The following ZNF366 variants were observed in gnomAD, a reference collection of about 807,000 sequenced individuals.
The protein encoded by ZNF366 is zinc finger protein 366, also known as dendritic cell-specific transcript protein.
ZNF366 carries 20 observed loss-of-function variants against 47.2 expected under a neutral mutation model. The ratio of observed to expected loss-of-function variants is 0.42; its 90% CI spans 0.30 to 0.62. ZNF366 has a LOEUF of 0.62. Ranked by LOEUF, ZNF366 falls within the 20% of genes least tolerant of loss-of-function variation. ZNF366 has a pLI of 0.16. For synonymous variants in ZNF366, 421 were observed against 395.1 expected (o/e 1.07, Z -0.78); for missense variants, 987 against 976.3 (o/e 1.01, Z -0.15).
At chr5:72,459,043 C>T (rs1026926782) in intron 2 of ZNF366, among the ~76,000 whole-genome samples, 5 of 152,266 alleles carry the variant, frequency 3.3e-5, no homozygotes, top group South Asian at 2.1e-4. Flanking sequence ...ACTTGGCAGG[C>T]GACTCCCCTC....
intron 1 of ZNF366, among the ~76,000 whole-genome samples, chr5:72,468,527 T>C (rs1743481589): frequency 6.6e-6 from 1 of 152,150 alleles, no homozygotes; most frequent in Non-Finnish European, 1.5e-5. Flanking sequence ...TAAAGTCAAG[T>C]TTAGTTGTGT....
intron 1 of ZNF366, among the ~76,000 whole-genome samples, chr5:72,474,871 T>C (rs909735257): frequency 2.6e-5 from 4 of 152,234 alleles, no homozygotes; most frequent in African/African-American, 9.6e-5. Flanking sequence ...GTCTGCCTTA[T>C]TGAATAATAA....
chr5:72,468,004 TCTC>T (rs566877096), intron 1 of ZNF366, among the ~76,000 whole-genome samples: 21 of 152,086 alleles, frequency 1.4e-4, no homozygotes, highest in Non-Finnish European at 2.9e-4. Context: ...ATACAAAAGA[TCTC>T]CTAGTGAGGG....
intron 1 of ZNF366, among the ~76,000 whole-genome samples, chr5:72,486,871 G>C (rs999685329): frequency 6.6e-6 from 1 of 151,890 alleles, no homozygotes; most frequent in Non-Finnish European, 1.5e-5. Context: ...TCTGCATCCC[G>C]GGTTCAAGCG....
At chr5:72,500,846 T>C (rs1394503345) in intron 1 of ZNF366, among the ~76,000 whole-genome samples, 1 of 152,236 alleles carries the variant, frequency 6.6e-6, no homozygotes, top group Non-Finnish European at 1.5e-5. Context: ...TTATTCTGCA[T>C]TTCTAACAAG....
chr5:72,504,914 C>A (rs1040680017), intron 1 of ZNF366, among the ~76,000 whole-genome samples: 5 of 152,156 alleles, frequency 3.3e-5, no homozygotes, highest in African/African-American at 1.2e-4. Flanking sequence ...TAAGTACCTG[C>A]CCCGAGGCCC....
intron 1 of ZNF366, among the ~76,000 whole-genome samples, chr5:72,485,793 T>A (rs1561202006): frequency 6.6e-6 from 1 of 152,172 alleles, no homozygotes; most frequent in Non-Finnish European, 1.5e-5. Flanking sequence ...ACTCCTATGA[T>A]CTCATGCCCT....
chr5:72,507,123 C>T lies in ZNF366; in HGVS notation c.-15+128G>A. On this transcript the variant is annotated intron_variant, in intron 1 of 4. Coordinates refer to ENST00000318442, the MANE Select transcript of ZNF366 (RefSeq NM_152625.3). ...AAAAAGTATTAGCTGAAATTCTGGG[C>T]CATCTATCACTTATACCCTTTGGTT... The T allele has an allele frequency of 4.6e-6, 3 of 646,872 alleles. No homozygotes were observed. In the African/African-American group the frequency reaches 5.9e-5, roughly 13 times the overall value. The allele number at this position is 646,872 out of a possible 1,614,324, so 40.1% of individuals were successfully genotyped here.
rs569900355 is a variant in ZNF366, at chr5:72,442,651, CTTTT to C, written c.*1101_*1104del. ...GGTGACAAGTCTTCCTGCATCTGTC[CTTTT>C]TTTTTTTTTTTTTTTTTTGAGGCAG... is the stretch of plus-strand genomic sequence containing the variant. On this transcript the variant is annotated 3_prime_UTR_variant, in exon 5 of 5. Coordinates refer to ENST00000318442, the MANE Select transcript of ZNF366 (RefSeq NM_152625.3). The C allele has an allele frequency of 2.3e-4, 21 of 91,588 alleles. No individual in the cohort carries two copies. Among genetic ancestry groups the C allele is most frequent in the Middle Eastern group, 5.1e-3 (1 of 196 alleles). 5.7% of individuals were successfully genotyped at this position (91,588 alleles called of 1,614,324 possible). A position where few individuals can be genotyped will look rare whatever the true frequency, so the allele number is the denominator to read the frequency against.
chr5:72,485,598 TCTC>T (rs1263069893), intron 1 of ZNF366, among the ~76,000 whole-genome samples: 20 of 152,280 alleles, frequency 1.3e-4, no homozygotes, highest in African/African-American at 4.1e-4. Flanking sequence ...TCCTGACTCT[TCTC>T]CTGTCTTCTC....
chr5:72,479,767 C>T (rs903893703), intron 1 of ZNF366, among the ~76,000 whole-genome samples: 1 of 152,176 alleles, frequency 6.6e-6, no homozygotes, highest in Non-Finnish European at 1.5e-5. Context: ...ATTTAAGTTG[C>T]ATGAGTGTGT....
At chr5:72,448,553 T>C (rs1176643196) in intron 3 of ZNF366, among the ~76,000 whole-genome samples, 1 of 152,148 alleles carries the variant, frequency 6.6e-6, no homozygotes, top group East Asian at 1.9e-4. Context: ...GACAAGAATG[T>C]TAAGGGAGGA....
At chr5:72,483,758 G>C (rs1743833615) in intron 1 of ZNF366, among the ~76,000 whole-genome samples, 1 of 152,136 alleles carries the variant, frequency 6.6e-6, no homozygotes, top group Admixed American at 6.5e-5. Context: ...AACTGCCAGA[G>C]ATATTTAAAC....
chr5:72,461,041 C>G lies in ZNF366; in HGVS notation c.456G>C (p.Gln152His). ...LEHFGGKPVK[Q>H]EPIKPSAVWP... ...ACACGGCGCTGGGCTTAATGGGTTC[C>G]TGCTTGACGGGCTTGCCCCCAAAGT... The change falls in exon 2 of 5, where the codon CAG becomes CAC. Residue 152 changes from glutamine to histidine, a missense_variant. Physicochemically the swap from Gln to His is conservative, Grantham distance 24 (BLOSUM62 0). Transcript: ENST00000318442. 22 of 1,614,148 alleles carry G rather than the reference C, an allele frequency of 1.4e-5. No homozygotes were observed. The highest frequency in any genetic ancestry group is 1.9e-5 in the Non-Finnish European group (22 of 1,180,028).
intron 1 of ZNF366, among the ~76,000 whole-genome samples, chr5:72,480,018 T>C (rs1420228156): frequency 6.6e-6 from 1 of 152,232 alleles, no homozygotes; most frequent in African/African-American, 2.4e-5. Context: ...CAGCAATGGC[T>C]GGAATGTGGC....
At chr5:72,471,999 ATACAGTTTTATGACC>A (rs1743574664) in intron 1 of ZNF366, among the ~76,000 whole-genome samples, 1 of 152,190 alleles carries the variant, frequency 6.6e-6, no homozygotes, top group African/African-American at 2.4e-5. Flanking sequence ...TTCTTTGGGC[ATACAGTTTTATGACC>A]TAGGCTTGTA....
rs141162277 is a variant in ZNF366, at chr5:72,503,290, T to C, written c.-15+3961A>G. On this transcript the variant is annotated intron_variant, in intron 1 of 4. Coordinates refer to ENST00000318442, the MANE Select transcript of ZNF366 (RefSeq NM_152625.3). ...TAATAGCTTCTAAAATAACATTTGA[T>C]ATACTCAGAACTATCTTCTAGAGAG... 4.4e-4 allele frequency among the ~76,000 whole-genome samples: 67 copies of C among 152,302 alleles called. No homozygotes were observed. In the East Asian group the frequency reaches 0.012, roughly 27 times the overall value.
chr5:72,444,784 A>C (rs904458373), intron 4 of ZNF366, among the ~76,000 whole-genome samples: 108 of 152,304 alleles, frequency 7.1e-4, no homozygotes, highest in African/African-American at 2.6e-3. Flanking sequence ...AAATATATGT[A>C]AGTATGTGTG....
At chr5:72,483,214 T>A (rs1035156505) in intron 1 of ZNF366, among the ~76,000 whole-genome samples, 3 of 152,156 alleles carry the variant, frequency 2.0e-5, no homozygotes, top group African/African-American at 4.8e-5. Context: ...CCATTTACCA[T>A]TCAGCCCCTC....
Sources: allele counts gnomAD v4.1 joint callset (sites outside exome capture counted in the v4.1 genomes callset), GRCh38; gene constraint gnomAD v4.1.1; transcripts MANE v1.5; gene names NCBI Gene and HGNC (gene_info 2026-07-23, HGNC 2026-07-21).